The following CBLB variants were observed in gnomAD, a reference collection of about 807,000 sequenced individuals.
CBLB encodes the protein E3 ubiquitin-protein ligase CBL-B.
CBLB carries 31 observed loss-of-function variants against 104.9 expected under a neutral mutation model. The ratio of observed to expected loss-of-function variants is 0.30; its 90% CI spans 0.22 to 0.40. The LOEUF is 0.40. Ranked by LOEUF, CBLB falls within the 10% of genes least tolerant of loss-of-function variation. The pLI, the probability that CBLB is intolerant of heterozygous loss-of-function variation, is 1.00. For missense variants in CBLB, 1,062 were observed against 1,214.6 expected (o/e 0.87, Z 1.87); for synonymous variants, 440 against 422.6 (o/e 1.04, Z -0.51).
At chr3:105,856,370 A>G (rs563299410) in intron 2 of CBLB, among the ~76,000 whole-genome samples, 56 of 149,890 alleles carry the variant, frequency 3.7e-4, no homozygotes, top group African/African-American at 1.0e-3. Flanking sequence ...AAAAAAAAAG[A>G]AAAGGAAAAA....
chr3:105,847,062 CTTG>C lies in CBLB; in HGVS notation c.419+6349_419+6351del, dbSNP rs1437917107. Among the ~76,000 whole-genome samples, 3 of 152,078 alleles carry C rather than the reference CTTG, an allele frequency of 2.0e-5. No individual in the cohort carries two copies. The South Asian group carries it at 6.2e-4, about 32-fold the overall frequency. Reference sequence around the variant, plus strand: ...TTGCAGCTTTTGTTTTGTTGTTGCTCTTGTTATTATTGTGGCTGCTGTTGCTTT... The same window carrying C: ...TTGCAGCTTTTGTTTTGTTGTTGCTCTTATTATTGTGGCTGCTGTTGCTTT... On this transcript the variant is annotated intron_variant, in intron 3 of 18. Transcript: ENST00000394030.
chr3:105,671,085 T>A (rs1200177305), intron 17 of CBLB: 2 of 185,890 alleles, frequency 1.1e-5, no homozygotes, highest in African/African-American at 2.3e-5. Context: ...TAACTGGAAC[T>A]AAAGGGAGAA....
chr3:105,799,053 A>T (rs1445757912), intron 3 of CBLB, among the ~76,000 whole-genome samples: 2 of 152,160 alleles, frequency 1.3e-5, no homozygotes, highest in Non-Finnish European at 2.9e-5. Context: ...ATCCTTCAAG[A>T]TCTAACAAAG....
At chr3:105,836,793 C>T (rs532247324) in intron 3 of CBLB, among the ~76,000 whole-genome samples, 63 of 152,052 alleles carry the variant, frequency 4.1e-4, no homozygotes, top group South Asian at 8.3e-4. Context: ...TGTGAGGGGG[C>T]GCAACGATAA....
chr3:105,660,736 C>T (rs1435670234), intron 18 of CBLB, among the ~76,000 whole-genome samples: 1 of 152,110 alleles, frequency 6.6e-6, no homozygotes, highest in Admixed American at 6.5e-5. Flanking sequence ...TCAGGAGATA[C>T]TGTAAGCTGA....
intron 4 of CBLB, among the ~76,000 whole-genome samples, chr3:105,764,790 A>T (rs1213840076): frequency 6.6e-6 from 1 of 152,242 alleles, no homozygotes; most frequent in Non-Finnish European, 1.5e-5. Context: ...CATGAAGGAA[A>T]TTAGAAATGC....
At chr3:105,695,246 A>T (rs1030102520) in intron 12 of CBLB, among the ~76,000 whole-genome samples, 1 of 151,838 alleles carries the variant, frequency 6.6e-6, no homozygotes, top group Admixed American at 6.6e-5. Context: ...GCAACAATAA[A>T]ATAAAAGACA....
In CBLB at chr3:105,678,546, A is replaced by T; in HGVS notation, c.2454T>A (p.Pro818=). The T allele has an allele frequency of 6.2e-7, 1 of 1,613,662 alleles. No homozygotes were observed. The highest frequency in any genetic ancestry group is 8.5e-7 in the Non-Finnish European group (1 of 1,179,766). ...GAGGTGGGGGAGGTGGGAGAGATGGAGGGAGGGCATCAAAAGCATCTTCAC... is the reference window on the plus strand; with the variant it reads ...GAGGTGGGGGAGGTGGGAGAGATGGTGGGAGGGCATCAAAAGCATCTTCAC... ...PLGEDAFDAL[P]PSLPPPPPPA... Residue 818 remains proline (P), a synonymous_variant, in exon 17 of 19, where the codon CCT becomes CCA. Transcript: ENST00000394030.
chr3:105,727,320 T>C (rs1310807239), intron 9 of CBLB, among the ~76,000 whole-genome samples: 3 of 152,268 alleles, frequency 2.0e-5, no homozygotes, highest in Non-Finnish European at 4.4e-5. Context: ...ATGAGCTTTT[T>C]TTCATGTTTG....
chr3:105,840,551 T>C (rs559301439), intron 3 of CBLB, among the ~76,000 whole-genome samples: 1 of 152,154 alleles, frequency 6.6e-6, no homozygotes, highest in African/African-American at 2.4e-5. Context: ...TCTGATACCC[T>C]TCATATGCCA....
chr3:105,734,233 CA>C, intron 8 of CBLB, 93 bp from the exon 9 acceptor site: 1 of 1,194,376 alleles, frequency 8.4e-7, no homozygotes, highest in Non-Finnish European at 1.2e-6. Context: ...GACGCACAGT[CA>C]ATATCTCACA....
chr3:105,777,368 G>A (rs1170394731), intron 3 of CBLB, among the ~76,000 whole-genome samples: 1 of 152,192 alleles, frequency 6.6e-6, no homozygotes, highest in East Asian at 1.9e-4. Context: ...TAGGTGTGGT[G>A]ACTCACCCCT....
rs1019180174 is a variant in CBLB at position 105,800,246 on chromosome 3, A to G, written c.420-23704T>C. On this transcript the variant is annotated intron_variant, in intron 3 of 18. Coordinates refer to ENST00000394030, the MANE Select transcript of CBLB (RefSeq NM_170662.5). ...CATGTGCAGACCAGTATCCCAGAGA[A>G]TCAATAAAATCTCTGGGGAAGGGAC... Among the ~76,000 whole-genome samples, 9 of 152,296 alleles carry G rather than the reference A, an allele frequency of 5.9e-5. No individual in the cohort carries two copies. In the East Asian group the frequency reaches 1.7e-3, roughly 29 times the overall value.
chr3:105,723,049 T>A (rs1333558596), intron 9 of CBLB, among the ~76,000 whole-genome samples: 1 of 152,146 alleles, frequency 6.6e-6, no homozygotes, highest in Non-Finnish European at 1.5e-5. Flanking sequence ...AAAACACAGA[T>A]CACAATGAAT....
chr3:105,729,829 T>C (rs2074113900), intron 9 of CBLB, among the ~76,000 whole-genome samples: 1 of 152,134 alleles, frequency 6.6e-6, no homozygotes, highest in Non-Finnish European at 1.5e-5. Flanking sequence ...TTATTTTTAT[T>C]AAATACCAGA....
chr3:105,671,972 A>C (rs1001581760), intron 17 of CBLB: 4 of 191,930 alleles, frequency 2.1e-5, no homozygotes, highest in African/African-American at 2.3e-5. Flanking sequence ...AAAGGAAACA[A>C]ATATGGTGAT....
intron 4 of CBLB, among the ~76,000 whole-genome samples, chr3:105,758,006 T>C (rs2077239471): frequency 6.6e-6 from 1 of 152,248 alleles, no homozygotes; most frequent in African/African-American, 2.4e-5. Flanking sequence ...ATATTTGATA[T>C]GTTTTGATTA....
chr3:105,867,120 C>A (rs1178276244), intron 2 of CBLB, among the ~76,000 whole-genome samples: 2 of 152,164 alleles, frequency 1.3e-5, no homozygotes, highest in Non-Finnish European at 2.9e-5. Flanking sequence ...CACTTCCAAG[C>A]ATTCTATGGC....
At chr3:105,679,203 T>C (rs1550712) in intron 16 of CBLB, among the ~76,000 whole-genome samples, 26,860 of 151,596 alleles carry the variant, frequency 0.18, 2,734 homozygotes, top group East Asian at 0.52. Flanking sequence ...CCTTCTCTGG[T>C]TCCAAGCACT....
Sources: gnomAD v4.1 joint callset for allele counts (sites outside exome capture counted in the v4.1 genomes callset) on GRCh38, gnomAD v4.1.1 for gene constraint, MANE v1.5 for transcripts, NCBI Gene and HGNC (gene_info 2026-07-23, HGNC 2026-07-21) for gene names.